The following STK3 variants were observed in gnomAD, a reference collection of about 807,000 sequenced individuals.
STK3 encodes the protein serine/threonine kinase 3, also known as serine/threonine-protein kinase 3.
A neutral mutation model predicts 58.0 loss-of-function variants in STK3; 41 were observed. The observed-to-expected ratio is 0.71, with a 90% confidence interval of 0.55 to 0.92. STK3 has a LOEUF of 0.92. Among genes scored for constraint, STK3 ranks in the 40% least tolerant of loss-of-function variants. The probability of loss-of-function intolerance (pLI) is 0.00; values close to 1 mark genes in which losing one functional copy is unlikely to be tolerated. For synonymous variants in STK3, 170 were observed against 191.0 expected (o/e 0.89, Z 0.91); for missense variants, 479 against 602.7 (o/e 0.79, Z 2.15).
At chr8:98,811,995 A>G (rs995771346) in intron 1 of STK3, among the ~76,000 whole-genome samples, 1 of 152,138 alleles carries the variant, frequency 6.6e-6, no homozygotes, top group Non-Finnish European at 1.5e-5. Context: ...TTTGTAGTAG[A>G]GACAGGGTTT....
chr8:98,924,345 T>C (rs1333189663), intron 1 of STK3, among the ~76,000 whole-genome samples: 2 of 152,208 alleles, frequency 1.3e-5, no homozygotes, highest in African/African-American at 4.8e-5. Context: ...ACTGGTTATA[T>C]AAAGGCTTTA....
chr8:98,432,305 G>A (rs1309758067), intron 3 of STK3: 1 of 167,094 alleles, frequency 6.0e-6, no homozygotes, highest in East Asian at 1.9e-4. Flanking sequence ...GTGAGCTTGA[G>A]AGAAGTGTCA....
chr8:98,455,874 C>G lies in STK3; in HGVS notation c.1444G>C (p.Asp482His), dbSNP rs1819449277. The stretch of plus-strand genomic sequence containing the variant: ...TTTTGCTGCCTTCTTTTCTTTGCAT[C>G]CATCGCATCCAGAATGGGCTGTCTT... ...AKRQPILDAM[D>H]AKKRRQQNF Residue 482 changes from aspartate (D) to histidine (H), a missense_variant, in exon 11 of 11, where the codon GAT becomes CAT. Asp to His is a moderately conservative substitution (Grantham distance 81). Transcript: ENST00000419617. The G allele has an allele frequency of 1.9e-6, 3 of 1,613,698 alleles. No homozygotes were observed. The highest frequency in any genetic ancestry group is 2.5e-6 in the Non-Finnish European group (3 of 1,179,792).
At chr8:98,882,962 G>A (rs1179013065), downstream of STK3, 1 of 152,166 alleles carries the variant, frequency 6.6e-6, no homozygotes, top group African/African-American at 2.4e-5. Context: ...ATCATCGTAG[G>A]AACCTTCTCT....
intron 3 of STK3, chr8:98,430,807 A>G (rs962286261): frequency 2.4e-5 from 4 of 167,098 alleles, no homozygotes; most frequent in Non-Finnish European, 4.4e-5. Flanking sequence ...ATGTCATAAA[A>G]AATTGTAAAC....
chr8:98,454,390 A>G (rs1819344757), downstream of STK3, among the ~76,000 whole-genome samples: 1 of 152,176 alleles, frequency 6.6e-6, no homozygotes, highest in Non-Finnish European at 1.5e-5. Flanking sequence ...GTGACCACAG[A>G]TATCTCAGAT....
At chr8:98,430,872 G>A (rs1818316251) in intron 3 of STK3, 1 of 167,084 alleles carries the variant, frequency 6.0e-6, no homozygotes, top group South Asian at 2.1e-4. Context: ...TTGTATTGAA[G>A]GGAGACGACT....
intron 3 of STK3, among the ~76,000 whole-genome samples, chr8:98,845,009 G>A (rs1377765308): frequency 1.3e-5 from 2 of 152,204 alleles, no homozygotes; most frequent in African/African-American, 4.8e-5. Flanking sequence ...GCAATGACTT[G>A]AGATTGTCAC....
chr8:98,530,611 G>A (rs1032059256), intron 9 of STK3, among the ~76,000 whole-genome samples: 2 of 152,160 alleles, frequency 1.3e-5, no homozygotes, highest in Non-Finnish European at 2.9e-5. Flanking sequence ...TCCAGTTTGG[G>A]GTGGCTGTAG....
At chr8:98,527,831 A>G (rs964992814) in intron 9 of STK3, among the ~76,000 whole-genome samples, 2 of 152,174 alleles carry the variant, frequency 1.3e-5, no homozygotes, top group Non-Finnish European at 2.9e-5. Flanking sequence ...CCTAAGTTCC[A>G]TAACTAACTT....
intron 6 of STK3, among the ~76,000 whole-genome samples, chr8:98,619,258 C>T (rs1239562401): frequency 6.7e-5 from 10 of 150,172 alleles, no homozygotes; most frequent in South Asian, 6.3e-4. Context: ...AACTGGCTAG[C>T]CATATGTAGA....
intron 1 of STK3, chr8:98,904,946 A>G: frequency 2.8e-6 from 2 of 712,942 alleles, no homozygotes; most frequent in South Asian, 2.7e-5. Flanking sequence ...AGTTACATGC[A>G]GAAGCTGCTG....
chr8:98,469,670 TG>T (rs1820770024), intron 10 of STK3, among the ~76,000 whole-genome samples: 1 of 152,258 alleles, frequency 6.6e-6, no homozygotes, highest in African/African-American at 2.4e-5. Context: ...TACATTAATA[TG>T]GAGTAGTTTT....
intron 10 of STK3, among the ~76,000 whole-genome samples, chr8:98,460,624 C>T (rs990846223): frequency 5.3e-5 from 8 of 152,154 alleles, no homozygotes; most frequent in African/African-American, 1.7e-4. Context: ...GGTTTGTAAT[C>T]CCCATGTGTC....
intron 10 of STK3, among the ~76,000 whole-genome samples, chr8:98,524,929 T>C (rs1024861797): frequency 6.6e-6 from 1 of 152,246 alleles, no homozygotes; most frequent in Non-Finnish European, 1.5e-5. Flanking sequence ...ATAGTTGTTA[T>C]TTTAAGCCAT....
intron 1 of STK3, among the ~76,000 whole-genome samples, chr8:98,891,607 CTG>C (rs759597833): frequency 8.7e-4 from 122 of 140,292 alleles, no homozygotes; most frequent in South Asian, 5.9e-3. Context: ...TTAAATAAAA[CTG>C]TGTGTGTGTG....
the STK3 span, among the ~76,000 whole-genome samples, chr8:98,350,979 C>T: frequency 2.6e-5 from 4 of 152,198 alleles, no homozygotes; most frequent in East Asian, 5.8e-4. Flanking sequence ...AAAAAGAGTA[C>T]GTGGCATGAA....
intron 6 of STK3, among the ~76,000 whole-genome samples, chr8:98,688,346 C>T (rs911106810): frequency 6.6e-6 from 1 of 152,158 alleles, no homozygotes; most frequent in African/African-American, 2.4e-5. Context: ...AACCCACTGA[C>T]AGCATTAGAC....
chr8:98,434,359 G>A (rs1050703346), intron 2 of STK3: 1 of 152,204 alleles, frequency 6.6e-6, no homozygotes, highest in Non-Finnish European at 1.5e-5. Flanking sequence ...GGGTATTTTA[G>A]GGCCAGGATG....
Sources: gnomAD v4.1 joint callset for allele counts (sites outside exome capture counted in the v4.1 genomes callset) on GRCh38, gnomAD v4.1.1 for gene constraint, MANE v1.5 for transcripts, NCBI Gene and HGNC (gene_info 2026-07-23, HGNC 2026-07-21) for gene names.